The following SDHA variants were observed in gnomAD, a reference collection of about 807,000 sequenced individuals.
SDHA encodes the protein succinate dehydrogenase [ubiquinone] flavoprotein subunit, mitochondrial.
SDHA carries 48 observed loss-of-function variants against 78.4 expected under a neutral mutation model. The ratio of observed to expected loss-of-function variants is 0.61; its 90% CI spans 0.49 to 0.78. The LOEUF is 0.78. Among genes scored for constraint, SDHA ranks in the 30% least tolerant of loss-of-function variants. SDHA has a pLI of 0.00. For synonymous variants in SDHA, 326 were observed against 353.9 expected (o/e 0.92, Z 0.88); for missense variants, 680 against 892.7 (o/e 0.76, Z 3.04).
In SDHA at chr5:236,026, TC is replaced by T. The variant is rs772404096; in HGVS notation, c.1261-401del. 3.3e-3 allele frequency: 920 copies of T among 280,340 alleles called. 2 individuals are homozygous for T. Among genetic ancestry groups the T allele is most frequent in the Middle Eastern group, 6.6e-3 (5 of 752 alleles). The allele number at this position is 280,340 out of a possible 1,614,324, so 17.4% of individuals were successfully genotyped here. A position where few individuals can be genotyped will look rare whatever the true frequency, so the allele number is the denominator to read the frequency against. On this transcript the variant is annotated intron_variant, in intron 9 of 14. Transcript: ENST00000264932. ...CTCTTAGATACGGTCTTTACTTCCCTCTCTTTTTTTTTCTTGGAGATGCAGT... is the reference window on the plus strand; with the variant it reads ...CTCTTAGATACGGTCTTTACTTCCCTTCTTTTTTTTTCTTGGAGATGCAGT...
chr5:233,394 C>A, intron 7 of SDHA, 83 bp from the exon 8 acceptor site: 1 of 1,480,238 alleles, frequency 6.8e-7, no homozygotes, highest in South Asian at 1.1e-5. Context: ...CTCTTTCCCC[C>A]AAAAAATGTC....
At chr5:234,988 C>G in intron 8 of SDHA, 156 bp from the exon 9 acceptor site, 1 of 759,056 alleles carries the variant, frequency 1.3e-6, no homozygotes, top group South Asian at 1.5e-5. Flanking sequence ...ACAGTAGCTG[C>G]TTAGAAAAGA....
In SDHA at chr5:253,548, C is replaced by T. The variant is rs1736986414; in HGVS notation, c.1795-845C>T. Among the ~76,000 whole-genome samples, 5 of 152,002 alleles carry T rather than the reference C, an allele frequency of 3.3e-5. No individual in the cohort carries two copies. In the South Asian group the frequency reaches 8.3e-4, roughly 25 times the overall value. On this transcript the variant is annotated intron_variant, in intron 13 of 14. Transcript: ENST00000264932. ...CTGCCTCCCGGGTTCAAGTGATTCTCCTGCCTCAGCCTCCCAAGCAGCTGG... is the reference window on the plus strand; with the variant it reads ...CTGCCTCCCGGGTTCAAGTGATTCTTCTGCCTCAGCCTCCCAAGCAGCTGG...
intron 11 of SDHA, among the ~76,000 whole-genome samples, chr5:240,975 G>A (rs983117066): frequency 6.6e-5 from 10 of 151,914 alleles, no homozygotes; most frequent in African/African-American, 1.7e-4. Context: ...CTAGTGCTGC[G>A]ATAAATACAT....
intron 10 of SDHA, among the ~76,000 whole-genome samples, chr5:239,934 T>A (rs1275245000): frequency 6.6e-6 from 1 of 151,988 alleles, no homozygotes; most frequent in Non-Finnish European, 1.5e-5. Flanking sequence ...CATACCCAGA[T>A]AATTTTTGTG....
At chr5:258,638 T>C (rs1426044871), downstream of SDHA, among the ~76,000 whole-genome samples, 48 of 64,098 alleles carry the variant, frequency 7.5e-4, no homozygotes, top group South Asian at 2.3e-3. Context: ...GAGCTCCGCC[T>C]CCCGCCAGAG....
chr5:251,319 G>A lies in SDHA; in HGVS notation c.1664-19G>A, dbSNP rs2126633052. ...GACTGGGTCCCGCCTGCCCCTGATG[G>A]AACTTTTTGTGTCCCCAGGAATGGT... On this transcript the variant is annotated intron_variant, in intron 12 of 14. Coordinates refer to ENST00000264932, the MANE Select transcript of SDHA (RefSeq NM_004168.4). 1 of 1,611,032 alleles carries A rather than the reference G, an allele frequency of 6.2e-7. No individual in the cohort carries two copies.
the SDHA span, among the ~76,000 whole-genome samples, chr5:263,853 TGC>T: frequency 6.6e-6 from 1 of 151,984 alleles, no homozygotes; most frequent in African/African-American, 2.4e-5. Context: ...AATTCTAGAC[TGC>T]CTCAAAAAAA....
intron 5 of SDHA, chr5:227,981 T>C: frequency 1.7e-6 from 1 of 581,258 alleles, no homozygotes; most frequent in Non-Finnish European, 3.1e-6. Context: ...TGCTGCGTTC[T>C]CTAGCACACC....
chr5:262,991 GTGCAGTGCTGTGA>G, the SDHA span, among the ~76,000 whole-genome samples: 1 of 152,118 alleles, frequency 6.6e-6, no homozygotes, highest in Non-Finnish European at 1.5e-5. Flanking sequence ...CCAGGCTGGA[GTGCAGTGCTGTGA>G]TCTCGGCTCA....
downstream of SDHA, among the ~76,000 whole-genome samples, chr5:258,642 GCCAGAGCA>G (rs1184118978): frequency 4.2e-5 from 5 of 117,768 alleles, no homozygotes; most frequent in Non-Finnish European, 6.5e-5. Flanking sequence ...TCCGCCTCCC[GCCAGAGCA>G]TTACCGTGTG....
At chr5:228,416 G>C in intron 6 of SDHA, 83 bp downstream of exon 6, 1 of 1,412,598 alleles carries the variant, frequency 7.1e-7, no homozygotes, top group South Asian at 1.2e-5. Flanking sequence ...TGAAAATAGA[G>C]GCATTGTAGA....
chr5:231,369 G>A (rs1735385615), intron 7 of SDHA, among the ~76,000 whole-genome samples: 1 of 151,622 alleles, frequency 6.6e-6, no homozygotes. Context: ...AGACCAGCCT[G>A]ACCAACATGG....
Position 233,637 on chromosome 5 carries a change from A to C in SDHA, c.1056A>C (p.Arg352=), listed in dbSNP as rs779804839. The change falls in exon 8 of 15, where the codon CGA becomes CGC. Residue 352 remains arginine (R), a synonymous_variant. Coordinates refer to ENST00000264932, the MANE Select transcript of SDHA (RefSeq NM_004168.4). ...VVSRSMTLEI[R]EGRGCGPEKD... is the part of the protein sequence containing the mutation. ...CTCGGTCCATGACTCTGGAGATCCG[A>C]GAAGGAAGGTGCGTGTGATTTACCA... is the stretch of plus-strand genomic sequence containing the variant. The C allele has an allele frequency of 1.2e-6, 2 of 1,613,976 alleles. No individual in the cohort carries two copies. Among genetic ancestry groups the C allele is most frequent in the Non-Finnish European group, 1.7e-6 (2 of 1,179,898 alleles).
chr5:251,160 C>G, intron 12 of SDHA, 57 bp downstream of exon 12: 1 of 1,579,116 alleles, frequency 6.3e-7, no homozygotes. Context: ...GCAGGGTGGG[C>G]TGGTGTCTGT....
chr5:238,909 C>T (rs896968841), intron 10 of SDHA, among the ~76,000 whole-genome samples: 3 of 150,234 alleles, frequency 2.0e-5, no homozygotes, highest in Admixed American at 6.6e-5. Flanking sequence ...TGCAGTGAGC[C>T]AAGATCACAC....
intron 11 of SDHA, among the ~76,000 whole-genome samples, chr5:241,938 T>G (rs1464618983): frequency 6.6e-6 from 1 of 152,154 alleles, no homozygotes; most frequent in Non-Finnish European, 1.5e-5. Flanking sequence ...ACCATTGCAT[T>G]AGAGAATGGG....
chr5:232,084 A>C (rs1416658491), intron 7 of SDHA, among the ~76,000 whole-genome samples: 3 of 152,112 alleles, frequency 2.0e-5, no homozygotes, highest in Non-Finnish European at 4.4e-5. Flanking sequence ...TGCTTTTCTG[A>C]CCTGTGGACG....
In SDHA at chr5:240,457, T is replaced by C. The variant is rs375194444; in HGVS notation, c.1532T>C (p.Leu511Pro). ...FADGSIRTSELRLSMQKSMQN... is the reference protein window; with the variant it reads ...FADGSIRTSEPRLSMQKSMQN... ...GATGGAAGCATAAGAACATCGGAAC[T>C]GCGACTCAGCATGCAGAAGGTAAGA... The change falls in exon 11 of 15, where the codon CTG becomes CCG. Residue 511 changes from leucine to proline, a missense_variant. By Grantham distance (98) the Leu-to-Pro change is moderately conservative (BLOSUM62 -3). Transcript: ENST00000264932. 1.2e-4 allele frequency: 188 copies of C among 1,607,996 alleles called. No homozygotes were observed. The highest frequency in any genetic ancestry group is 1.5e-4 in the Non-Finnish European group (180 of 1,176,360).
Sources: gnomAD v4.1 joint callset for allele counts (sites outside exome capture counted in the v4.1 genomes callset) on GRCh38, gnomAD v4.1.1 for gene constraint, MANE v1.5 for transcripts, NCBI Gene and HGNC (gene_info 2026-07-23, HGNC 2026-07-21) for gene names.